The following CNNM2 variants were observed in gnomAD, a reference collection of about 807,000 sequenced individuals.
The protein encoded by CNNM2 is metal transporter CNNM2.
A neutral mutation model predicts 66.9 loss-of-function variants in CNNM2; 12 were observed. The observed-to-expected ratio is 0.18, with a 90% CI of 0.11 to 0.29. The LOEUF (loss-of-function observed/expected upper bound fraction) is 0.29. Among genes scored for constraint, CNNM2 ranks in the 10% least tolerant of loss-of-function variants. CNNM2 has a pLI of 1.00. For missense variants in CNNM2, 705 were observed against 1,167.7 expected (o/e 0.60, Z 5.77); for synonymous variants, 557 against 501.8 (o/e 1.11, Z -1.47).
intron 1 of CNNM2, among the ~76,000 whole-genome samples, chr10:102,972,394 T>C (rs764307788): frequency 6.6e-6 from 1 of 152,134 alleles, no homozygotes; most frequent in Non-Finnish European, 1.5e-5. Flanking sequence ...CCCAGCACTT[T>C]GGGAGGCCGA....
intron 1 of CNNM2, among the ~76,000 whole-genome samples, chr10:102,960,037 G>A (rs2134202489): frequency 6.6e-6 from 1 of 151,854 alleles, no homozygotes; most frequent in Admixed American, 6.6e-5. Flanking sequence ...GGGCGACAGA[G>A]CAAGACTCTG....
At chr10:102,926,354 C>T (rs746599304) in intron 1 of CNNM2, among the ~76,000 whole-genome samples, 1 of 152,138 alleles carries the variant, frequency 6.6e-6, no homozygotes, top group Admixed American at 6.6e-5. Flanking sequence ...CTGGATGAAG[C>T]GGGAAAGGAA....
At chr10:102,961,287 C>G (rs17115289) in intron 1 of CNNM2, among the ~76,000 whole-genome samples, 2 of 152,260 alleles carry the variant, frequency 1.3e-5, no homozygotes, top group African/African-American at 2.4e-5. Flanking sequence ...ACACCATGCT[C>G]TGGTAATGTA....
Position 102,992,225 on chromosome 10 carries a change from C to T in CNNM2, c.1622-57482C>T, listed in dbSNP as rs147341210. ...TTTGCCAAAAACTTTGCCCAGGTAC[C>T]CACATTGTAGTGGGGGCAGCCTTTT... On this transcript the variant is annotated intron_variant, in intron 1 of 7. Transcript: ENST00000369878. Among the ~76,000 whole-genome samples, 926 of 149,808 alleles carry T rather than the reference C, an allele frequency of 6.2e-3. 15 individuals carry two copies. The highest frequency in any genetic ancestry group is 0.021 in the African/African-American group (874 of 40,958).
chr10:102,967,772 G>T (rs2063487621), intron 1 of CNNM2, among the ~76,000 whole-genome samples: 1 of 152,224 alleles, frequency 6.6e-6, no homozygotes, highest in African/African-American at 2.4e-5. Flanking sequence ...ACTTTGGGGG[G>T]CCGAGGCGGG....
At chr10:102,969,620 C>T (rs1307719789) in intron 1 of CNNM2, among the ~76,000 whole-genome samples, 3 of 152,026 alleles carry the variant, frequency 2.0e-5, no homozygotes, top group Non-Finnish European at 4.4e-5. Flanking sequence ...TCTATAATAG[C>T]GGCAATTGGT....
chr10:102,958,462 T>G (rs981597137), intron 1 of CNNM2, among the ~76,000 whole-genome samples: 1 of 70,448 alleles, frequency 1.4e-5, no homozygotes, highest in East Asian at 5.5e-4. Flanking sequence ...GCAACTTGTT[T>G]TTTTTTTTTT....
chr10:103,089,017 A>G lies in CNNM2; in HGVS notation c.*11837A>G. 4.7e-6 allele frequency: 1 copy of G among 212,946 alleles called. No homozygotes were observed. Among genetic ancestry groups the G allele is most frequent in the Non-Finnish European group, 9.5e-6 (1 of 105,186 alleles). The allele number at this position is 212,946 out of a possible 1,614,324, so 13.2% of individuals were successfully genotyped here. On this transcript the variant is annotated 3_prime_UTR_variant, in exon 8 of 8. Coordinates refer to ENST00000369878, the MANE Select transcript of CNNM2 (RefSeq NM_017649.5). ...TGGATAACAAATAAGCATTTGTGCTATTAAACAAACAAAAGGTAATAAGGA... is the reference window on the plus strand; with the variant it reads ...TGGATAACAAATAAGCATTTGTGCTGTTAAACAAACAAAAGGTAATAAGGA...
chr10:102,940,950 C>T (rs976772220), intron 1 of CNNM2, among the ~76,000 whole-genome samples: 1 of 151,834 alleles, frequency 6.6e-6, no homozygotes, highest in African/African-American at 2.4e-5. Flanking sequence ...GTCACAAACT[C>T]CTGACCTCAA....
chr10:103,045,339 A>G (rs1049921292), intron 1 of CNNM2, among the ~76,000 whole-genome samples: 5 of 152,146 alleles, frequency 3.3e-5, no homozygotes, highest in African/African-American at 1.2e-4. Context: ...CTAATTGTCT[A>G]ACAATCTAAA....
chr10:102,999,320 G>A (rs2064070206), intron 1 of CNNM2, among the ~76,000 whole-genome samples: 1 of 148,268 alleles, frequency 6.7e-6, no homozygotes. Context: ...CTGACCTTGT[G>A]ATCTGCCCGC....
Position 102,919,854 on chromosome 10 carries a change from G to A in CNNM2, c.1374G>A (p.Met458Ile). Residue 458 changes from methionine (M) to isoleucine (I), a missense_variant, in exon 1 of 8, where the codon ATG becomes ATA. By Grantham distance (10) the Met-to-Ile change is conservative. Around this residue, in one of 9 missense-constraint regions of CNNM2, gnomAD observed 171 missense variants for 304.8 expected, o/e 0.56. Coordinates refer to ENST00000369878, the MANE Select transcript of CNNM2 (RefSeq NM_017649.5). ...DVMTPLRDCF[M>I]ITGEAILDFN... is the part of the protein sequence containing the mutation. ...TGACCCCACTCCGGGACTGCTTCAT[G>A]ATCACCGGCGAAGCCATCCTGGACT... 6.2e-7 allele frequency: 1 copy of A among 1,614,206 alleles called. No individual in the cohort carries two copies. Among genetic ancestry groups the A allele is most frequent in the Non-Finnish European group, 8.5e-7 (1 of 1,180,044 alleles).
Position 103,082,525 on chromosome 10 carries a change from A to G in CNNM2, c.*5345A>G, listed in dbSNP as rs554697385. 6.6e-6 allele frequency: 1 copy of G among 152,304 alleles called. No individual in the cohort carries two copies. The highest frequency in any genetic ancestry group is 2.1e-4 in the South Asian group (1 of 4,828). The allele number at this position is 152,304 out of a possible 1,614,324, so 9.4% of individuals were successfully genotyped here. On this transcript the variant is annotated 3_prime_UTR_variant, in exon 8 of 8. Coordinates refer to ENST00000369878, the MANE Select transcript of CNNM2 (RefSeq NM_017649.5). The stretch of plus-strand genomic sequence containing the variant: ...TTGAGTCCTTTAAACCCACAAATGT[A>G]TATGCTTTATTTTATATTATTTATT...
intron 4 of CNNM2, among the ~76,000 whole-genome samples, chr10:103,060,892 T>C (rs2065374454): frequency 1.3e-5 from 2 of 152,072 alleles, no homozygotes; most frequent in South Asian, 4.1e-4. Flanking sequence ...AAGTCCTAAA[T>C]AGCAACTGAG....
chr10:102,934,366 T>G (rs1846163642), intron 1 of CNNM2, among the ~76,000 whole-genome samples: 1 of 149,850 alleles, frequency 6.7e-6, no homozygotes, highest in African/African-American at 2.5e-5. Context: ...CTGCAAACTC[T>G]GCCTCCTGGG....
intron 1 of CNNM2, among the ~76,000 whole-genome samples, chr10:102,999,131 C>T (rs186725207): frequency 2.3e-3 from 339 of 150,462 alleles, no homozygotes; most frequent in African/African-American, 7.7e-3. Context: ...AGTGTAGTGG[C>T]GCGATCTTGG....
Position 103,088,342 on chromosome 10 carries a change from G to A in CNNM2, c.*11162G>A, listed in dbSNP as rs536447923. ...TTAATACCCTAACATACACAGTAAT[G>A]ATTCATTCTTGTTTAAAACAAGAGG... On this transcript the variant is annotated 3_prime_UTR_variant, in exon 8 of 8. Coordinates refer to ENST00000369878, the MANE Select transcript of CNNM2 (RefSeq NM_017649.5). 6.6e-6 allele frequency: 1 copy of A among 152,330 alleles called. No individual in the cohort carries two copies. The highest frequency in any genetic ancestry group is 3.4e-3 in the Middle Eastern group (1 of 294). 9.4% of individuals were successfully genotyped at this position (152,330 alleles called of 1,614,324 possible).
chr10:102,918,897 G>C lies in CNNM2; in HGVS notation c.417G>C (p.Ala139=), dbSNP rs749812341. 4 of 1,610,100 alleles carry C rather than the reference G, an allele frequency of 2.5e-6. No homozygotes were observed. The highest frequency in any genetic ancestry group is 3.4e-6 in the Non-Finnish European group (4 of 1,178,282). The part of the protein sequence containing the change: ...SPGERGLGGP[A]PPEPDSGPQR... Reference sequence around the variant, plus strand: ...GGGAGCGCGGGCTGGGGGGCCCCGCGCCGCCAGAGCCGGACAGCGGCCCCC... The same window carrying C: ...GGGAGCGCGGGCTGGGGGGCCCCGCCCCGCCAGAGCCGGACAGCGGCCCCC... Residue 139 remains alanine, a synonymous_variant, in exon 1 of 8, where the codon GCG becomes GCC. Transcript: ENST00000369878. This position sits in a 1 kb window ranked among gnomAD's most constrained non-coding sequence, Gnocchi z 4.1.
At position 102,928,682 on chromosome 10, in the gene CNNM2, C is replaced by T. The variant is rs1430972281; in HGVS notation, c.1621+8581C>T. On this transcript the variant is annotated intron_variant, in intron 1 of 7. Coordinates refer to ENST00000369878, the MANE Select transcript of CNNM2 (RefSeq NM_017649.5). Reference sequence around the variant, plus strand: ...GCGTCTGGTGAGAGCCTTCATATGGCATCCTCACATAGCAGAGAAATGGAA... The same window carrying T: ...GCGTCTGGTGAGAGCCTTCATATGGTATCCTCACATAGCAGAGAAATGGAA... Among the ~76,000 whole-genome samples the T allele has an allele frequency of 2.0e-5, 3 of 152,140 alleles. No individual in the cohort carries two copies. In the East Asian group the frequency reaches 5.8e-4, roughly 29 times the overall value.
Sources: allele counts gnomAD v4.1 joint callset (sites outside exome capture counted in the v4.1 genomes callset), GRCh38; gene constraint gnomAD v4.1.1; regional missense constraint gnomAD v4.1.1; non-coding constraint Gnocchi (gnomAD v3.1); transcripts MANE v1.5; gene names NCBI Gene and HGNC (gene_info 2026-07-23, HGNC 2026-07-21).